The following FRMPD2 variants were observed in gnomAD, a reference collection of about 807,000 sequenced individuals.
FRMPD2 encodes the protein FERM and PDZ domain-containing protein 2.
In FRMPD2, 96 loss-of-function variants were observed where a neutral mutation model predicts 140.1. The ratio of observed to expected loss-of-function variants is 0.69; its 90% CI spans 0.58 to 0.81. FRMPD2 has a LOEUF of 0.81. Among genes scored for constraint, FRMPD2 ranks in the 40% least tolerant of loss-of-function variants. The probability of loss-of-function intolerance (pLI) is 0.00; values close to 1 mark genes in which losing one functional copy is unlikely to be tolerated. For missense variants in FRMPD2, 1,240 were observed against 1,447.4 expected (o/e 0.86, Z 2.32); for synonymous variants, 449 against 547.6 (o/e 0.82, Z 2.52).
intron 10 of FRMPD2, among the ~76,000 whole-genome samples, chr10:48,229,796 T>C (rs1455286170): frequency 6.6e-6 from 1 of 152,140 alleles, no homozygotes; most frequent in African/African-American, 2.4e-5. Flanking sequence ...TTATCATCCA[T>C]GGAATGTTAT....
chr10:48,270,207 G>C (rs1311703527), intron 1 of FRMPD2, among the ~76,000 whole-genome samples: 1 of 152,176 alleles, frequency 6.6e-6, no homozygotes, highest in South Asian at 2.1e-4. Flanking sequence ...GCTAGTGGAC[G>C]TGGTCTCGAG....
intron 13 of FRMPD2, among the ~76,000 whole-genome samples, chr10:48,208,656 G>C (rs956749949): frequency 6.6e-6 from 1 of 152,206 alleles, no homozygotes; most frequent in Non-Finnish European, 1.5e-5. Flanking sequence ...TCTTCAATCT[G>C]TAAAACAATA....
chr10:48,254,636 G>A (rs1840453449), intron 1 of FRMPD2, among the ~76,000 whole-genome samples: 1 of 152,226 alleles, frequency 6.6e-6, no homozygotes, highest in Non-Finnish European at 1.5e-5. Context: ...CACTTCCATA[G>A]CATTTACTGT....
chr10:48,263,105 AT>A (rs1840622869), intron 1 of FRMPD2, among the ~76,000 whole-genome samples: 1 of 152,210 alleles, frequency 6.6e-6, no homozygotes, highest in South Asian at 2.1e-4. Context: ...AATAAAAAAT[AT>A]TTTTAACTAA....
intron 12 of FRMPD2, among the ~76,000 whole-genome samples, chr10:48,220,381 C>A (rs1249127087): frequency 6.6e-6 from 1 of 152,144 alleles, no homozygotes; most frequent in Non-Finnish European, 1.5e-5. Flanking sequence ...AATTGGCTAG[C>A]CACACACAGA....
chr10:48,188,067 T>C (rs1046558923), intron 16 of FRMPD2, among the ~76,000 whole-genome samples: 4 of 152,122 alleles, frequency 2.6e-5, no homozygotes, highest in African/African-American at 9.7e-5. Context: ...AAGCTGTGGG[T>C]CTCAGAGCCC....
chr10:48,206,972 A>G, intron 13 of FRMPD2, 39 bp from the exon 14 acceptor site: 1 of 1,589,850 alleles, frequency 6.3e-7, no homozygotes, highest in Middle Eastern at 1.7e-4. Context: ...AGACAGGCAC[A>G]TGGTTTAAAA....
intron 12 of FRMPD2, among the ~76,000 whole-genome samples, chr10:48,218,838 C>A (rs180849392): frequency 2.6e-5 from 4 of 152,200 alleles, no homozygotes; most frequent in Admixed American, 1.3e-4. Context: ...AGTGATTGGG[C>A]TGGAAGCTTG....
Position 48,222,437 on chromosome 10 carries a change from C to T in FRMPD2, c.1331G>A (p.Arg444Lys), listed in dbSNP as rs766275377. ...HYGLLQHSLT[R>K]HQFYLQLRKD... ...CCGAAGCTGCAGGTAAAACTGGTGC[C>T]TTGTCAGGCTGTGCCTGGAAAAGAA... The change falls in exon 12 of 29, where the codon AGG (arginine) becomes AAG (lysine). Residue 444 changes from arginine (R) to lysine (K), a missense_variant. Physicochemically the swap from Arg to Lys is conservative, Grantham distance 26. This residue lies in a region of FRMPD2 where 1,161 missense variants were observed against 1,055.9 expected (regional missense o/e 1.10). Transcript: ENST00000374201. 4 of 1,614,064 alleles carry T rather than the reference C, an allele frequency of 2.5e-6. No individual in the cohort carries two copies. The highest frequency in any genetic ancestry group is 1.7e-5 in the Admixed American group (1 of 60,014).
chr10:48,163,060 A>G (rs1422869807), intron 28 of FRMPD2, among the ~76,000 whole-genome samples: 1 of 142,592 alleles, frequency 7.0e-6, no homozygotes, highest in Non-Finnish European at 1.5e-5. Context: ...TTTGTGTGCC[A>G]GGAGAAAACC....
intron 1 of FRMPD2, among the ~76,000 whole-genome samples, chr10:48,258,000 C>G (rs555005549): frequency 3.3e-5 from 5 of 152,326 alleles, no homozygotes; most frequent in East Asian, 3.9e-4. Context: ...TCAACCTTAG[C>G]AAAATGCCTC....
In FRMPD2 at chr10:48,201,376, C is replaced by CT. The variant is rs773925754; in HGVS notation, c.1805dup (p.Phe603ValfsTer23). 3.1e-6 allele frequency: 5 copies of CT among 1,613,270 alleles called. No homozygotes were observed. The highest frequency in any genetic ancestry group is 2.5e-6 in the Non-Finnish European group (3 of 1,179,548). ...CAGTGACACTGCTTGTGATGGTGAA[C>CT]TTTTTTTGCTGAAGGAAGCAAACAC... is the stretch of plus-strand genomic sequence containing the variant. On this transcript the variant is annotated frameshift_variant, in exon 15 of 29. Transcript: ENST00000374201. LOFTEE classifies it high-confidence loss of function.
intron 4 of FRMPD2, 148 bp from the exon 5 acceptor site, chr10:48,242,500 G>A (rs1840146108): frequency 1.6e-6 from 1 of 630,814 alleles, no homozygotes; most frequent in Non-Finnish European, 2.7e-6. Flanking sequence ...AGAGTTTAAG[G>A]ACAGACACAA....
rs369652127 is a variant in FRMPD2 at position 48,229,941 on chromosome 10, T to C, written c.1168+2174A>G. On this transcript the variant is annotated intron_variant, in intron 10 of 28. Transcript: ENST00000374201. ...TTCTGATAACTTCAAGATCAAACCA[T>C]TGGACTAAGGAAAAATGTCCAGGAC... is the stretch of plus-strand genomic sequence containing the variant. Among the ~76,000 whole-genome samples, 10 of 152,102 alleles carry C rather than the reference T, an allele frequency of 6.6e-5. No individual in the cohort carries two copies. The South Asian group carries it at 1.2e-3, about 19-fold the overall frequency.
At chr10:48,176,174 C>G (rs1359927593) in intron 22 of FRMPD2, 2 of 454,568 alleles carry the variant, frequency 4.4e-6, no homozygotes, top group African/African-American at 4.0e-5. Flanking sequence ...GGGCATGTCC[C>G]CAGCCCAAGC....
Position 48,244,805 on chromosome 10 carries a change from C to T in FRMPD2, c.354G>A (p.Gly118=), listed in dbSNP as rs1442480034. ...SLGMTLYWSA[G]FHVPPHQPLQ... ...AAACCTGATGTGGCGGAACATGAAACCCTGCTGACCAGTAGAGGGTCATTC... is the reference window on the plus strand; with the variant it reads ...AAACCTGATGTGGCGGAACATGAAATCCTGCTGACCAGTAGAGGGTCATTC... The change falls in exon 4 of 29, where the codon GGG becomes GGA. Residue 118 remains glycine, a synonymous_variant. Transcript: ENST00000374201. 1 of 1,613,422 alleles carries T rather than the reference C, an allele frequency of 6.2e-7. No individual in the cohort carries two copies. Among genetic ancestry groups the T allele is most frequent in the Non-Finnish European group, 8.5e-7 (1 of 1,179,496 alleles).
chr10:48,219,218 T>G (rs1361468665), intron 12 of FRMPD2, among the ~76,000 whole-genome samples: 1 of 149,658 alleles, frequency 6.7e-6, no homozygotes, highest in Admixed American at 6.6e-5. Context: ...TGTGTGTGGT[T>G]AACATTTCTT....
intron 21 of FRMPD2, 123 bp from the exon 22 acceptor site, chr10:48,178,274 C>G: frequency 1.5e-6 from 1 of 677,520 alleles, no homozygotes; most frequent in Non-Finnish European, 2.6e-6. Context: ...TGGATTGGGC[C>G]AGCAGGGGAT....
At chr10:48,251,037 AG>A (rs1840367245) in intron 2 of FRMPD2, among the ~76,000 whole-genome samples, 2 of 151,716 alleles carry the variant, frequency 1.3e-5, no homozygotes, top group Admixed American at 1.3e-4. Flanking sequence ...CCCTGACCTC[AG>A]GTAATCTGCC....
Sources: allele counts gnomAD v4.1 joint callset (sites outside exome capture counted in the v4.1 genomes callset), GRCh38; gene constraint gnomAD v4.1.1; regional missense constraint gnomAD v4.1.1; transcripts MANE v1.5; gene names NCBI Gene and HGNC (gene_info 2026-07-23, HGNC 2026-07-21).